Variants in PSMD1 observed in about 807,000 individuals in gnomAD.
PSMD1 encodes 26S proteasome non-ATPase regulatory subunit 1.
In PSMD1, 18 loss-of-function variants were observed where a neutral mutation model predicts 119.0. The observed-to-expected ratio is 0.15, with a 90% confidence interval of 0.10 to 0.22. PSMD1 has a LOEUF of 0.22. Among genes scored for constraint, PSMD1 ranks in the 10% least tolerant of loss-of-function variants. The pLI, the probability that PSMD1 is intolerant of heterozygous loss-of-function variation, is 1.00. For synonymous variants in PSMD1, 374 were observed against 396.6 expected (o/e 0.94, Z 0.68); for missense variants, 702 against 1,158.5 (o/e 0.61, Z 5.72).
Position 231,075,587 on chromosome 2 carries a change from T to G in PSMD1, c.942+16T>G, listed in dbSNP as rs1694141436. The G allele has an allele frequency of 1.9e-6, 3 of 1,606,524 alleles. No individual in the cohort carries two copies. The highest frequency in any genetic ancestry group is 2.2e-5 in the South Asian group (2 of 89,316). On this transcript the variant is annotated intron_variant, in intron 8 of 24. Transcript: ENST00000308696. ...ACCAGAAGCCGTGAGTGTGCTTTTT[T>G]TTTTTCCTTTGAGACAGGGTCCTGA...
intron 16 of PSMD1, among the ~76,000 whole-genome samples, chr2:231,121,719 G>A (rs1695549092): frequency 6.6e-6 from 1 of 152,084 alleles, no homozygotes; most frequent in Non-Finnish European, 1.5e-5. Context: ...GATAATTTAA[G>A]TATCTACCAT....
At chr2:231,151,452 T>C (rs748282332) in intron 18 of PSMD1, among the ~76,000 whole-genome samples, 1 of 152,128 alleles carries the variant, frequency 6.6e-6, no homozygotes, top group Non-Finnish European at 1.5e-5. Context: ...ACATAAGAAA[T>C]AAAATGTGAG....
At chr2:231,122,381 A>C (rs1373163712) in intron 16 of PSMD1, among the ~76,000 whole-genome samples, 1 of 152,130 alleles carries the variant, frequency 6.6e-6, no homozygotes, top group Non-Finnish European at 1.5e-5. Flanking sequence ...TTTACCTTCT[A>C]ATATGGATTC....
intron 16 of PSMD1, among the ~76,000 whole-genome samples, chr2:231,100,538 G>A (rs1694840291): frequency 6.6e-6 from 1 of 152,122 alleles, no homozygotes; most frequent in African/African-American, 2.4e-5. Context: ...ATTGGAATGA[G>A]TCAGCATGGA....
At chr2:231,128,614 A>G (rs1695783119) in intron 16 of PSMD1, among the ~76,000 whole-genome samples, 1 of 152,162 alleles carries the variant, frequency 6.6e-6, no homozygotes, top group African/African-American at 2.4e-5. Context: ...CTTTGGGATC[A>G]TGTTATCATT....
chr2:231,143,533 C>A (rs1260646664), intron 17 of PSMD1, among the ~76,000 whole-genome samples: 1 of 152,088 alleles, frequency 6.6e-6, no homozygotes, highest in Non-Finnish European at 1.5e-5. Context: ...CGGCCAGGGA[C>A]ATTGTGTTTT....
At chr2:231,107,110 A>G (rs532794612) in intron 16 of PSMD1, among the ~76,000 whole-genome samples, 1 of 152,278 alleles carries the variant, frequency 6.6e-6, no homozygotes, top group East Asian at 1.9e-4. Context: ...ACATACCTAA[A>G]GCTTTGATGA....
At chr2:231,058,174 C>T (rs934287249) in intron 1 of PSMD1, among the ~76,000 whole-genome samples, 8 of 152,188 alleles carry the variant, frequency 5.3e-5, no homozygotes, top group African/African-American at 1.9e-4. Context: ...TTTTTCCAGT[C>T]AGAGCTTTGT....
intron 16 of PSMD1, among the ~76,000 whole-genome samples, chr2:231,109,571 T>G (rs1695086229): frequency 6.6e-6 from 1 of 152,214 alleles, no homozygotes; most frequent in South Asian, 2.1e-4. Context: ...AGTGAAGATT[T>G]GACAAACAGA....
intron 16 of PSMD1, among the ~76,000 whole-genome samples, chr2:231,103,381 G>T (rs1419777988): frequency 1.3e-5 from 2 of 152,096 alleles, no homozygotes; most frequent in East Asian, 3.8e-4. Flanking sequence ...TACTAGTCTG[G>T]CACCTCTAAA....
In PSMD1 at chr2:231,083,054, A is replaced by G. The variant is rs58410014; in HGVS notation, c.1525+60A>G. 1,215 of 1,252,492 alleles carry G rather than the reference A, an allele frequency of 9.7e-4. 12 individuals are homozygous for G. In the African/African-American group the frequency reaches 0.017, roughly 17 times the overall value. The allele number at this position is 1,252,492 out of a possible 1,614,324, so 77.6% of individuals were successfully genotyped here. On this transcript the variant is annotated intron_variant, in intron 13 of 24. Transcript: ENST00000308696. The stretch of plus-strand genomic sequence containing the variant: ...TATTAATTAATGTAAATGTAATTAC[A>G]TTAGTTTCTACCTATATTTTGTAGC...
intron 16 of PSMD1, among the ~76,000 whole-genome samples, chr2:231,100,919 G>A (rs982746350): frequency 2.6e-5 from 4 of 152,114 alleles, no homozygotes; most frequent in East Asian, 3.9e-4. Flanking sequence ...GGGTTCCCTC[G>A]CAATCTGTTG....
chr2:231,114,815 A>C (rs925393328), intron 16 of PSMD1, among the ~76,000 whole-genome samples: 1 of 152,196 alleles, frequency 6.6e-6, no homozygotes, highest in Non-Finnish European at 1.5e-5. Flanking sequence ...ATGTGAATTT[A>C]ATATATTATG....
In PSMD1 at chr2:231,077,075, T is replaced by G. The variant is rs770705671; in HGVS notation, c.984T>G (p.Ile328Met). The G allele has an allele frequency of 6.2e-7, 1 of 1,607,714 alleles. No homozygotes were observed. Among genetic ancestry groups the G allele is most frequent in the Admixed American group, 1.7e-5 (1 of 59,178 alleles). The change falls in exon 9 of 25, where the codon ATT becomes ATG. Residue 328 changes from isoleucine (I) to methionine (M), a missense_variant. Physicochemically the swap from Ile to Met is conservative, Grantham distance 10 (BLOSUM62 1). This residue lies in a region of PSMD1 where 69 missense variants were observed against 71.6 expected (regional missense o/e 0.96). Coordinates refer to ENST00000308696, the MANE Select transcript of PSMD1 (RefSeq NM_002807.4). ...ACCAGACTTTGAAAATGATTAAAAT[T>G]TTAAGTGGTGAAATGGCTATTGAGT... ...PKDQTLKMIK[I>M]LSGEMAIELH...
intron 16 of PSMD1, chr2:231,114,046 CT>C (rs1695250560): frequency 2.6e-6 from 2 of 774,694 alleles, no homozygotes; most frequent in Admixed American, 2.0e-5. Context: ...AATTTTATAA[CT>C]TTAACAACAT....
At chr2:231,168,605 A>G (rs1696841811) in intron 23 of PSMD1, among the ~76,000 whole-genome samples, 1 of 152,218 alleles carries the variant, frequency 6.6e-6, no homozygotes, top group Non-Finnish European at 1.5e-5. Context: ...AGGCAAATCT[A>G]TAGAGACGAG....
intron 6 of PSMD1, 90 bp downstream of exon 6, chr2:231,070,258 A>C: frequency 9.3e-7 from 1 of 1,076,250 alleles, no homozygotes; most frequent in Non-Finnish European, 1.2e-6. Context: ...TTATATTACT[A>C]TAATGGCTTT....
intron 18 of PSMD1, 63 bp downstream of exon 18, chr2:231,146,419 G>A (rs186881246): frequency 5.1e-5 from 65 of 1,268,136 alleles, no homozygotes; most frequent in Admixed American, 2.4e-4. Context: ...GTAACTTATC[G>A]TCTTTTGAGG....
intron 16 of PSMD1, among the ~76,000 whole-genome samples, chr2:231,110,835 C>A (rs908982975): frequency 6.6e-6 from 1 of 152,202 alleles, no homozygotes; most frequent in Non-Finnish European, 1.5e-5. Flanking sequence ...TGTTCTACTG[C>A]AGCAGAATGG....
Sources: gnomAD v4.1 joint callset for allele counts (sites outside exome capture counted in the v4.1 genomes callset) on GRCh38, gnomAD v4.1.1 for gene constraint, gnomAD v4.1.1 regional missense constraint, MANE v1.5 for transcripts, NCBI Gene and HGNC (gene_info 2026-07-23, HGNC 2026-07-21) for gene names.